The following PITPNC1 variants were observed in gnomAD, a reference collection of about 807,000 sequenced individuals.
PITPNC1 encodes phosphatidylinositol transfer protein cytoplasmic 1, also known as cytoplasmic phosphatidylinositol transfer protein 1.
Under a neutral mutation model 44.7 loss-of-function variants are expected in PITPNC1, and 18 were observed. The observed-to-expected ratio is 0.40, with a 90% CI of 0.28 to 0.60. The LOEUF is 0.60. Ranked by LOEUF, PITPNC1 falls within the 20% of genes least tolerant of loss-of-function variation. The probability of loss-of-function intolerance (pLI) is 0.39; values close to 1 mark genes in which losing one functional copy is unlikely to be tolerated. For synonymous variants in PITPNC1, 141 were observed against 149.6 expected (o/e 0.94, Z 0.42); for missense variants, 290 against 418.4 (o/e 0.69, Z 2.68).
chr17:67,568,784 C>A (rs1232863089), intron 4 of PITPNC1, among the ~76,000 whole-genome samples: 1 of 152,118 alleles, frequency 6.6e-6, no homozygotes, highest in Non-Finnish European at 1.5e-5. Context: ...TTAACAAGCC[C>A]AGCAAATGAG....
chr17:67,641,259 T>TA (rs1400654716), intron 6 of PITPNC1, among the ~76,000 whole-genome samples: 2 of 152,064 alleles, frequency 1.3e-5, no homozygotes, highest in Middle Eastern at 3.2e-3. Flanking sequence ...ATGATCCTTG[T>TA]AAAAAAAATT....
chr17:67,416,179 C>T (rs1202685407), intron 1 of PITPNC1, among the ~76,000 whole-genome samples: 2 of 139,670 alleles, frequency 1.4e-5, no homozygotes, highest in African/African-American at 5.2e-5. Flanking sequence ...ATTTAAATCT[C>T]CCTTTCCTTG....
intron 1 of PITPNC1, among the ~76,000 whole-genome samples, chr17:67,420,377 TCCCTC>T (rs1555649273): frequency 4.8e-3 from 566 of 118,356 alleles, no homozygotes; most frequent in African/African-American, 0.012. Flanking sequence ...CCTTCCTTCC[TCCCTC>T]CCCTCCCTCC....
chr17:67,607,454 T>G (rs116783316), intron 5 of PITPNC1, among the ~76,000 whole-genome samples: 1 of 152,216 alleles, frequency 6.6e-6, no homozygotes, highest in African/African-American at 2.4e-5. Context: ...TGTAAGCAAC[T>G]CTCAGAGGCT....
At chr17:67,602,771 C>G (rs2041558856) in intron 5 of PITPNC1, among the ~76,000 whole-genome samples, 1 of 152,158 alleles carries the variant, frequency 6.6e-6, no homozygotes, top group Non-Finnish European at 1.5e-5. Flanking sequence ...GGATCTTGCT[C>G]TGTCGCCCAG....
chr17:67,519,435 C>T (rs905365952), intron 1 of PITPNC1, among the ~76,000 whole-genome samples: 3 of 152,078 alleles, frequency 2.0e-5, no homozygotes, highest in African/African-American at 7.2e-5. Flanking sequence ...CCTTGGCCTC[C>T]CAAAGTGCTG....
At chr17:67,485,226 A>G (rs1389103480) in intron 1 of PITPNC1, among the ~76,000 whole-genome samples, 1 of 152,094 alleles carries the variant, frequency 6.6e-6, no homozygotes, top group Non-Finnish European at 1.5e-5. Flanking sequence ...GGGAGCATTT[A>G]CCATGAGCGC....
At chr17:67,514,189 TTTTTTGTTTTTG>T (rs1011144578) in intron 1 of PITPNC1, among the ~76,000 whole-genome samples, 5 of 151,584 alleles carry the variant, frequency 3.3e-5, no homozygotes, top group Admixed American at 6.6e-5. Flanking sequence ...AATTCACGGG[TTTTTTGTTTTTG>T]TTTTTGTTTT....
At position 67,483,919 on chromosome 17, in the gene PITPNC1, T is replaced by TTTC. The variant is rs377765651; in HGVS notation, c.49-48881_49-48880insCTT. ...TTCACCCTTGCTAACGTTTTCTTTC[T>TTTC]TTTTTTTTTTTTTTTTGAGGTGGAG... On this transcript the variant is annotated intron_variant, in intron 1 of 8. Transcript: ENST00000581322. Among the ~76,000 whole-genome samples, 518 of 89,342 alleles carry TTTC rather than the reference T, an allele frequency of 5.8e-3. 13 individuals carry two copies. The highest frequency in any genetic ancestry group is 0.052 in the East Asian group (154 of 2,944). The allele number at this position is 89,342 out of a possible 152,430, so 58.6% of individuals were successfully genotyped here. A position where few individuals can be genotyped will look rare whatever the true frequency, so the allele number is the denominator to read the frequency against.
intron 1 of PITPNC1, among the ~76,000 whole-genome samples, chr17:67,424,436 A>G (rs2038715200): frequency 6.6e-6 from 1 of 152,060 alleles, no homozygotes. Flanking sequence ...GCAGGAAGAT[A>G]ACCTGAGGCC....
chr17:67,410,697 G>GT (rs896902434), intron 1 of PITPNC1, among the ~76,000 whole-genome samples: 16 of 152,128 alleles, frequency 1.1e-4, no homozygotes, highest in African/African-American at 3.6e-4. Flanking sequence ...CCTGGTGAAG[G>GT]TTTTTGCTGT....
At chr17:67,667,765 C>T (rs931571909) in intron 6 of PITPNC1, among the ~76,000 whole-genome samples, 1 of 151,348 alleles carries the variant, frequency 6.6e-6, no homozygotes, top group Non-Finnish European at 1.5e-5. Flanking sequence ...GGATCACTCG[C>T]GTTCAGGAGT....
intron 1 of PITPNC1, among the ~76,000 whole-genome samples, chr17:67,429,167 G>C (rs2038819085): frequency 6.6e-6 from 1 of 151,798 alleles, no homozygotes; most frequent in African/African-American, 2.4e-5. Context: ...TTTACCTCCT[G>C]ATGTTTTCTG....
At chr17:67,537,657 T>G (rs1256859031) in intron 2 of PITPNC1, among the ~76,000 whole-genome samples, 1 of 152,106 alleles carries the variant, frequency 6.6e-6, no homozygotes, top group Non-Finnish European at 1.5e-5. Context: ...TAACTTAAAA[T>G]GCCAACATGT....
Position 67,553,604 on chromosome 17 carries a change from A to G in PITPNC1, c.287-6A>G. The G allele has an allele frequency of 8.1e-7, 1 of 1,230,688 alleles. No individual in the cohort carries two copies. The highest frequency in any genetic ancestry group is 1.7e-5 in the South Asian group (1 of 60,566). 76.2% of individuals were successfully genotyped at this position (1,230,688 alleles called of 1,614,324 possible). The stretch of plus-strand genomic sequence containing the variant: ...CTCTCTTCTTCAAATGAACATGTGG[A>G]AACAGAATACACAGTAAGTTCCATT... On this transcript the variant is annotated splice_region_variant and splice_polypyrimidine_tract_variant and intron_variant, in intron 3 of 8. Transcript: ENST00000581322.
chr17:67,572,474 G>A (rs1252169419), intron 4 of PITPNC1, among the ~76,000 whole-genome samples: 4 of 116,484 alleles, frequency 3.4e-5, no homozygotes, highest in South Asian at 7.5e-4. Flanking sequence ...AAAGCGGGGG[G>A]GGGGGGTAAA....
intron 1 of PITPNC1, among the ~76,000 whole-genome samples, chr17:67,390,376 G>A (rs571034590): frequency 1.1e-4 from 16 of 152,280 alleles, no homozygotes; most frequent in Non-Finnish European, 1.9e-4. Context: ...TCCCCACAAG[G>A]GCATGGAGGC....
chr17:67,670,012 G>T (rs1339736474), intron 7 of PITPNC1, among the ~76,000 whole-genome samples: 1 of 152,036 alleles, frequency 6.6e-6, no homozygotes, highest in Non-Finnish European at 1.5e-5. Context: ...GGCAGAGATT[G>T]CAGTGAACCA....
At position 67,596,305 on chromosome 17, in the gene PITPNC1, T is replaced by G. The variant is rs4791281; in HGVS notation, c.366+18048T>G. Among the ~76,000 whole-genome samples the G allele has an allele frequency of 9.9e-3, 1,501 of 152,264 alleles. 95 individuals are homozygous for G. Among genetic ancestry groups the G allele is most frequent in the Admixed American group, 0.092 (1,411 of 15,288 alleles). On this transcript the variant is annotated intron_variant, in intron 5 of 8. Transcript: ENST00000581322. ...CATCTGGGTCTCTTGGAATAGATAA[T>G]GTTAAACCAGATACACTAGTTGTAC... is the stretch of plus-strand genomic sequence containing the variant.
Sources: allele counts gnomAD v4.1 joint callset (sites outside exome capture counted in the v4.1 genomes callset), GRCh38; gene constraint gnomAD v4.1.1; transcripts MANE v1.5; gene names NCBI Gene and HGNC (gene_info 2026-07-23, HGNC 2026-07-21).